UBE2V2: variants seen among roughly 807,000 people sequenced by gnomAD.
The protein encoded by UBE2V2 is ubiquitin-conjugating enzyme E2 variant 2.
A neutral mutation model predicts 17.2 loss-of-function variants in UBE2V2; 9 were observed. That is an observed-to-expected ratio of 0.52 (90% CI 0.32 to 0.91). The LOEUF is 0.91. UBE2V2 is among the 40% of genes least tolerant of loss of function. UBE2V2 has a pLI of 0.04. For synonymous variants in UBE2V2, 61 were observed against 57.5 expected, an observed-to-expected ratio of 1.06 and a Z score of -0.28; for missense variants, 133 against 182.6, an observed-to-expected ratio of 0.73 and a Z score of 1.56.
At chr8:48,037,576 TC>T in intron 1 of UBE2V2, among the ~76,000 whole-genome samples, 1 of 152,348 alleles carries the variant, frequency 6.6e-6, no homozygotes, top group Middle Eastern at 3.4e-3. Context: ...TGTTACCTCC[TC>T]CTTCTTACGC....
At chr8:48,003,166 C>T in the UBE2V2 span, among the ~76,000 whole-genome samples, 4 of 149,904 alleles carry the variant, frequency 2.7e-5, no homozygotes, top group African/African-American at 9.9e-5. Context: ...GCCAAGATTG[C>T]GCCACTGCAC....
At chr8:48,012,641 C>G (rs373503061) in intron 1 of UBE2V2, among the ~76,000 whole-genome samples, 1 of 151,670 alleles carries the variant, frequency 6.6e-6, no homozygotes, top group East Asian at 2.0e-4. Context: ...TCTCTTGAAC[C>G]CGGGAGGCAG....
intron 1 of UBE2V2, among the ~76,000 whole-genome samples, chr8:48,039,005 C>T (rs137888595): frequency 2.8e-3 from 416 of 150,958 alleles, no homozygotes; most frequent in Non-Finnish European, 4.5e-3. Context: ...CCCAGCTCAC[C>T]GCAACCTCTG....
chr8:48,003,246 C>T, the UBE2V2 span, among the ~76,000 whole-genome samples: 1 of 150,860 alleles, frequency 6.6e-6, no homozygotes, highest in Non-Finnish European at 1.5e-5. Context: ...GAATTTAGTT[C>T]TCAGATAACA....
rs370706927 is a variant in UBE2V2, at chr8:48,016,671, G to T, written c.16+8201G>T. ...CTAATTTTGTATTTTTATTAGAGAC[G>T]GGGTTTCTCCATGTTGGTGAGGCTG... On this transcript the variant is annotated intron_variant, in intron 1 of 3. Coordinates refer to ENST00000523111, the MANE Select transcript of UBE2V2 (RefSeq NM_003350.3). 3.8e-3 allele frequency among the ~76,000 whole-genome samples: 575 copies of T among 149,406 alleles called. 4 individuals carry two copies. The highest frequency in any genetic ancestry group is 0.025 in the South Asian group (116 of 4,702).
chr8:48,014,043 C>T (rs1178863062), intron 1 of UBE2V2, among the ~76,000 whole-genome samples: 1 of 152,114 alleles, frequency 6.6e-6, no homozygotes, highest in Non-Finnish European at 1.5e-5. Flanking sequence ...AAATCATAAC[C>T]TAGAACTTGG....
chr8:48,060,552 A>G (rs1802577788), intron 3 of UBE2V2, 130 bp from the exon 4 acceptor site: 4 of 716,282 alleles, frequency 5.6e-6, no homozygotes, highest in Non-Finnish European at 8.1e-6. Context: ...GTAATTCCAT[A>G]GTGTATGTTT....
intron 1 of UBE2V2, among the ~76,000 whole-genome samples, chr8:48,040,269 A>C (rs1318229706): frequency 6.6e-6 from 1 of 152,042 alleles, no homozygotes; most frequent in Admixed American, 6.6e-5. Flanking sequence ...TCACCCCTAC[A>C]TTCTTCAACT....
intron 1 of UBE2V2, among the ~76,000 whole-genome samples, chr8:48,024,262 AT>A (rs2091324855): frequency 2.0e-5 from 3 of 152,250 alleles, no homozygotes; most frequent in Admixed American, 1.3e-4. Flanking sequence ...CTTTTGCAGG[AT>A]TTTTTAGCTA....
chr8:48,037,887 A>G (rs2091435246), intron 1 of UBE2V2, among the ~76,000 whole-genome samples: 1 of 152,102 alleles, frequency 6.6e-6, no homozygotes, highest in Non-Finnish European at 1.5e-5. Context: ...CTCCCAATCC[A>G]TTCCCACGTT....
intron 1 of UBE2V2, among the ~76,000 whole-genome samples, chr8:48,025,330 C>T (rs1260457052): frequency 2.7e-5 from 4 of 149,202 alleles, no homozygotes; most frequent in East Asian, 2.0e-4. Context: ...TGTAGTGGTG[C>T]GATCTCGGCT....
upstream of UBE2V2, chr8:48,008,336 C>G (rs1216413402): frequency 7.5e-7 from 1 of 1,334,676 alleles, no homozygotes; most frequent in Non-Finnish European, 9.6e-7. Context: ...TCCCTCGGGT[C>G]GCCCCGCGCC....
intron 1 of UBE2V2, among the ~76,000 whole-genome samples, chr8:48,032,179 C>T (rs983964897): frequency 6.6e-6 from 1 of 152,132 alleles, no homozygotes; most frequent in African/African-American, 2.4e-5. Flanking sequence ...ATTCTACAAA[C>T]ATACTGACGT....
Position 48,012,524 on chromosome 8 carries a change from G to T in UBE2V2, c.16+4054G>T, listed in dbSNP as rs1475412240. Among the ~76,000 whole-genome samples the T allele has an allele frequency of 1.2e-4, 18 of 152,192 alleles. No homozygotes were observed. The East Asian group carries it at 1.6e-3, about 13-fold the overall frequency. On this transcript the variant is annotated intron_variant, in intron 1 of 3. Coordinates refer to ENST00000523111, the MANE Select transcript of UBE2V2 (RefSeq NM_003350.3). ...ACCTGAGGTCGGGAGGTTGAGACCA[G>T]CTGGACCAACATGGAGAAACCATGT...
intron 1 of UBE2V2, chr8:48,042,255 C>G (rs1269845252): frequency 6.6e-6 from 1 of 152,052 alleles, no homozygotes; most frequent in Admixed American, 6.6e-5. Flanking sequence ...TTTTGAAAAA[C>G]CATCCATGAA....
At chr8:48,001,446 A>G in the UBE2V2 span, among the ~76,000 whole-genome samples, 1 of 152,144 alleles carries the variant, frequency 6.6e-6, no homozygotes, top group East Asian at 1.9e-4. Flanking sequence ...AAAAAATACA[A>G]CAGATTAGCC....
At chr8:48,052,742 AT>A (rs1314802539) in intron 3 of UBE2V2, among the ~76,000 whole-genome samples, 4 of 151,946 alleles carry the variant, frequency 2.6e-5, no homozygotes, top group Non-Finnish European at 5.9e-5. Flanking sequence ...CTTTAGGGGC[AT>A]CAGCCTCAGC....
At chr8:48,014,792 C>T (rs189014148) in intron 1 of UBE2V2, among the ~76,000 whole-genome samples, 5 of 150,010 alleles carry the variant, frequency 3.3e-5, no homozygotes, top group African/African-American at 4.9e-5. Context: ...GGCTCACGCC[C>T]GTAATCCTAG....
At chr8:48,000,316 T>C in the UBE2V2 span, among the ~76,000 whole-genome samples, 1 of 152,206 alleles carries the variant, frequency 6.6e-6, no homozygotes, top group Non-Finnish European at 1.5e-5. Flanking sequence ...CAAATTATCC[T>C]TAGTCTCCCA....
Sources: gnomAD v4.1 joint callset for allele counts (sites outside exome capture counted in the v4.1 genomes callset) on GRCh38, gnomAD v4.1.1 for gene constraint, MANE v1.5 for transcripts, NCBI Gene and HGNC (gene_info 2026-07-23, HGNC 2026-07-21) for gene names.